The following ZNF48 variants were observed in gnomAD, a reference collection of about 807,000 sequenced individuals.
The protein encoded by ZNF48 is zinc finger protein 48.
Under a neutral mutation model 40.0 loss-of-function variants are expected in ZNF48, and 20 were observed. The ratio of observed to expected loss-of-function variants is 0.50; its 90% CI spans 0.35 to 0.73. ZNF48 has a LOEUF of 0.73. ZNF48 is among the 30% of genes least tolerant of loss of function. ZNF48 has a pLI of 0.01. For missense variants in ZNF48, 726 were observed against 851.9 expected (o/e 0.85, Z 1.84); for synonymous variants, 298 against 329.7 (o/e 0.90, Z 1.04).
Position 30,382,232 on chromosome 16 carries a change from T to A in ZNF48, c.-16+3822T>A. 3 of 1,612,824 alleles carry A rather than the reference T, an allele frequency of 1.9e-6. No homozygotes were observed. The highest frequency in any genetic ancestry group is 2.5e-6 in the Non-Finnish European group (3 of 1,178,920). ...AGGGGAGGGGACAGCCAGGGCCTCC[T>A]AAGGACATCCCCTCCGCAGTTCCCT... On this transcript the variant is annotated intron_variant, in intron 1 of 2. Coordinates refer to the ZNF48 transcript ENST00000528032. This position sits in a 1 kb window ranked among gnomAD's most constrained non-coding sequence, Gnocchi z 4.8.
In ZNF48 at chr16:30,382,864, T is replaced by C; in HGVS notation, c.-16+4454T>C. On this transcript the variant is annotated intron_variant, in intron 1 of 2. Coordinates refer to the ZNF48 transcript ENST00000528032. The surrounding 1 kb of genome is among the most constrained non-coding windows in gnomAD (Gnocchi z 4.8). ...TTGTTAGCAGGGGAGATGAAGGTTT[T>C]GATGAGCTGATTAGAAAACAGTTCC... 1.5e-6 allele frequency: 2 copies of C among 1,310,120 alleles called. No individual in the cohort carries two copies. The highest frequency in any genetic ancestry group is 2.5e-5 in the East Asian group (1 of 39,886). The allele number at this position is 1,310,120 out of a possible 1,614,324, so 81.2% of individuals were successfully genotyped here.
chr16:30,393,140 G>C (rs1041844860), upstream of ZNF48, among the ~76,000 whole-genome samples: 2 of 151,820 alleles, frequency 1.3e-5, no homozygotes, highest in East Asian at 3.9e-4. Context: ...GCAATGGCGC[G>C]ATCTCAGCTC....
In ZNF48 at chr16:30,398,537, G is replaced by C. The variant is rs754671766; in HGVS notation, c.1287G>C (p.Leu429Phe). Residue 429 changes from leucine to phenylalanine, a missense_variant, in exon 3 of 3, where the codon TTG (leucine) becomes TTC (phenylalanine). By Grantham distance (22) the Leu-to-Phe change is conservative (BLOSUM62 0). Transcript: ENST00000613509. This position sits in a 1 kb window ranked among gnomAD's most constrained non-coding sequence, Gnocchi z 6.6. ...HSGEPFGLPG[L>F]EPEPGGPQAG... is the part of the protein sequence containing the mutation. ...GTGAGCCTTTTGGCCTGCCTGGCTTGGAGCCAGAGCCTGGGGGCCCACAGG... is the reference window on the plus strand; with the variant it reads ...GTGAGCCTTTTGGCCTGCCTGGCTTCGAGCCAGAGCCTGGGGGCCCACAGG... 3 of 1,606,346 alleles carry C rather than the reference G, an allele frequency of 1.9e-6. No homozygotes were observed. In the African/African-American group the frequency reaches 4.0e-5, roughly 22 times the overall value.
Position 30,381,570 on chromosome 16 carries a change from G to T in ZNF48, c.-16+3160G>T. On this transcript the variant is annotated intron_variant, in intron 1 of 2. Coordinates refer to the ZNF48 transcript ENST00000528032. The surrounding 1 kb of genome is among the most constrained non-coding windows in gnomAD (Gnocchi z 4.3). Reference sequence around the variant, plus strand: ...GTGGGAGTAGAATGTCATTTCTTTGGCTCCCTCCAAAGACATTAAGGGGAA... The same window carrying T: ...GTGGGAGTAGAATGTCATTTCTTTGTCTCCCTCCAAAGACATTAAGGGGAA... 1 of 1,528,794 alleles carries T rather than the reference G, an allele frequency of 6.5e-7. No homozygotes were observed. 94.7% of individuals were successfully genotyped at this position (1,528,794 alleles called of 1,614,324 possible).
chr16:30,385,864 G>A (rs2049897037), intron 1 of ZNF48, among the ~76,000 whole-genome samples: 2 of 152,088 alleles, frequency 1.3e-5, no homozygotes, highest in South Asian at 2.1e-4. Context: ...GGTGGTTCAC[G>A]CCTGTAATCC....
chr16:30,396,688 C>CTTTTTT (rs1167683501), intron 2 of ZNF48, among the ~76,000 whole-genome samples: 1 of 112,064 alleles, frequency 8.9e-6, no homozygotes, highest in African/African-American at 3.9e-5. Flanking sequence ...CGCTTTGCTA[C>CTTTTTT]TTTTTTTTTT....
chr16:30,399,124 CG>C lies in ZNF48; in HGVS notation c.*19del. ...CTGGAATGACGCGGTCCAGGGAGGG[CG>C]GAGGCCCAGGAGACCAAAGGGAGGG... On this transcript the variant is annotated 3_prime_UTR_variant, in exon 3 of 3. Transcript: ENST00000613509. 1 of 1,538,978 alleles carries C rather than the reference CG, an allele frequency of 6.5e-7. No homozygotes were observed. Among genetic ancestry groups the C allele is most frequent in the Non-Finnish European group, 8.8e-7 (1 of 1,142,714 alleles).
At chr16:30,386,789 C>T (rs369560661) in intron 1 of ZNF48, among the ~76,000 whole-genome samples, 3 of 151,768 alleles carry the variant, frequency 2.0e-5, no homozygotes, top group South Asian at 2.1e-4. Context: ...CTCAGCCTCC[C>T]GAGTAGCTAG....
chr16:30,381,049 C>A lies in ZNF48; in HGVS notation c.-16+2639C>A. On this transcript the variant is annotated intron_variant, in intron 1 of 2. Coordinates refer to the ZNF48 transcript ENST00000528032. The surrounding 1 kb of genome is among the most constrained non-coding windows in gnomAD (Gnocchi z 4.3). ...GATGCACCATGCTCCAGAAAGGCCA[C>A]TTCAAGATCAAAGAAGTCTAAGCTG... 2 of 1,204,786 alleles carry A rather than the reference C, an allele frequency of 1.7e-6. No individual in the cohort carries two copies. Among genetic ancestry groups the A allele is most frequent in the South Asian group, 2.4e-5 (2 of 82,180 alleles). 74.6% of individuals were successfully genotyped at this position (1,204,786 alleles called of 1,614,324 possible). A position where few individuals can be genotyped will look rare whatever the true frequency, so the allele number is the denominator to read the frequency against.
In ZNF48 at chr16:30,395,831, C is replaced by A; in HGVS notation, c.37C>A (p.His13Asn). The change falls in exon 2 of 3, where the codon CAC becomes AAC. Residue 13 changes from histidine (H) to asparagine (N), a missense_variant. This residue lies in a region of ZNF48 where 151 missense variants were observed against 162.3 expected (regional missense o/e 0.93). Transcript: ENST00000613509. This position sits in a 1 kb window ranked among gnomAD's most constrained non-coding sequence, Gnocchi z 5.9. ...RAVEPWGPDL[H>N]RPEEREPQRG... ...GGTAGAGCCTTGGGGCCCAGATCTC[C>A]ACCGCCCGGAGGAGAGGGAGCCACA... 6.5e-7 allele frequency: 1 copy of A among 1,550,166 alleles called. No homozygotes were observed.
At chr16:30,380,929 G>A (rs908468745) in intron 1 of ZNF48, 2 of 625,898 alleles carry the variant, frequency 3.2e-6, no homozygotes, top group East Asian at 5.3e-5. Flanking sequence ...TAGCCCGGGG[G>A]CTGCATATGT....
At chr16:30,379,630 G>A in intron 1 of ZNF48, 2 of 500,568 alleles carry the variant, frequency 4.0e-6, no homozygotes, top group South Asian at 2.3e-5. Context: ...TCTGCTTCCT[G>A]CCCCTTCCTC....
rs2049856287 is a variant in ZNF48 at position 30,382,028 on chromosome 16, G to A, written c.-16+3618G>A. ...CAGTCAACTACCTGAGTCCCCAGAT[G>A]GAAAAGACTAGGGTGTAACCTGGGG... On this transcript the variant is annotated intron_variant, in intron 1 of 2. Coordinates refer to the ZNF48 transcript ENST00000528032. This position sits in a 1 kb window ranked among gnomAD's most constrained non-coding sequence, Gnocchi z 4.8. 6.3e-7 allele frequency: 1 copy of A among 1,594,288 alleles called. No homozygotes were observed. The highest frequency in any genetic ancestry group is 1.1e-5 in the South Asian group (1 of 89,918).
At position 30,395,746 on chromosome 16, in the gene ZNF48, G is replaced by C; in HGVS notation, c.-15-34G>C. ...GGCGCCGCGGGCCACACATGGCTGC[G>C]TGACCGCGGGATGCTGTCTGTCCCC... On this transcript the variant is annotated intron_variant, in intron 1 of 2. Transcript: ENST00000613509. This position sits in a 1 kb window ranked among gnomAD's most constrained non-coding sequence, Gnocchi z 5.9. 1 of 1,442,642 alleles carries C rather than the reference G, an allele frequency of 6.9e-7. No individual in the cohort carries two copies. Among genetic ancestry groups the C allele is most frequent in the South Asian group, 1.4e-5 (1 of 73,356 alleles). The allele number at this position is 1,442,642 out of a possible 1,614,324, so 89.4% of individuals were successfully genotyped here.
In ZNF48 at chr16:30,399,451, T is replaced by C. The variant is rs1253327526; in HGVS notation, c.*344T>C. 2.1e-5 allele frequency: 4 copies of C among 194,094 alleles called. No homozygotes were observed. The highest frequency in any genetic ancestry group is 4.2e-5 in the Non-Finnish European group (4 of 94,610). 12.0% of individuals were successfully genotyped at this position (194,094 alleles called of 1,614,324 possible). A position where few individuals can be genotyped will look rare whatever the true frequency, so the allele number is the denominator to read the frequency against. On this transcript the variant is annotated 3_prime_UTR_variant, in exon 3 of 3. Transcript: ENST00000613509. Reference sequence around the variant, plus strand: ...TCTGTTAAGAACTGACACTTTCCCCTTGCTGGGCAGGTAGTACACACCTGT... The same window carrying C: ...TCTGTTAAGAACTGACACTTTCCCCCTGCTGGGCAGGTAGTACACACCTGT...
chr16:30,378,994 G>T, intron 1 of ZNF48: 1 of 1,607,540 alleles, frequency 6.2e-7, no homozygotes, highest in South Asian at 1.1e-5. Context: ...TGGAGGCTCT[G>T]ATACTGTCCG....
Position 30,397,672 on chromosome 16 carries a change from A to G in ZNF48, c.422A>G (p.Lys141Arg). ...ACCCACACAGGGGAGAAACCCTACA[A>G]GTGTGGGGTCTGTGGCAAGGGCTTT... Reference protein sequence around the residue: ...QRTHTGEKPYKCGVCGKGFGD... With the variant: ...QRTHTGEKPYRCGVCGKGFGD... The change falls in exon 3 of 3, where the codon AAG becomes AGG. Residue 141 changes from lysine to arginine, a missense_variant. This residue lies in a region of ZNF48 where 6 missense variants were observed against 25.5 expected (regional missense o/e 0.24). Transcript: ENST00000613509. This position sits in a 1 kb window ranked among gnomAD's most constrained non-coding sequence, Gnocchi z 4.1. The G allele has an allele frequency of 1.2e-6, 2 of 1,613,374 alleles. No individual in the cohort carries two copies. The highest frequency in any genetic ancestry group is 1.7e-6 in the Non-Finnish European group (2 of 1,179,684).
At position 30,382,620 on chromosome 16, in the gene ZNF48, G is replaced by A; in HGVS notation, c.-16+4210G>A. The A allele has an allele frequency of 6.5e-7, 1 of 1,547,770 alleles. No homozygotes were observed. Among genetic ancestry groups the A allele is most frequent in the Non-Finnish European group, 8.7e-7 (1 of 1,147,330 alleles). On this transcript the variant is annotated intron_variant, in intron 1 of 2. Coordinates refer to the ZNF48 transcript ENST00000528032. This position sits in a 1 kb window ranked among gnomAD's most constrained non-coding sequence, Gnocchi z 4.8. ...GCGGCTAACAAGGGGGCGGGCAGAAGAGGCAGCTGAGATGCTCAAACTGGC... is the reference window on the plus strand; with the variant it reads ...GCGGCTAACAAGGGGGCGGGCAGAAAAGGCAGCTGAGATGCTCAAACTGGC...
chr16:30,396,135 G>A (rs2049982890), intron 2 of ZNF48: 5 of 392,316 alleles, frequency 1.3e-5, no homozygotes, highest in Admixed American at 8.5e-5. Flanking sequence ...CCTGGCAATT[G>A]CAGTAGCCTC....
Sources: allele counts gnomAD v4.1 joint callset (sites outside exome capture counted in the v4.1 genomes callset), GRCh38; gene constraint gnomAD v4.1.1; regional missense constraint gnomAD v4.1.1; non-coding constraint Gnocchi (gnomAD v3.1); transcripts MANE v1.5; gene names NCBI Gene and HGNC (gene_info 2026-07-23, HGNC 2026-07-21).